Variants in STAU1 observed in about 807,000 individuals in gnomAD.
The protein encoded by STAU1 is staufen double-stranded RNA binding protein 1.
Under a neutral mutation model 62.9 loss-of-function variants are expected in STAU1, and 13 were observed. The observed-to-expected ratio is 0.21, with a 90% CI of 0.13 to 0.33. The LOEUF (loss-of-function observed/expected upper bound fraction) is 0.33. STAU1 is among the 10% of genes least tolerant of loss of function. The pLI, the probability that STAU1 is intolerant of heterozygous loss-of-function variation, is 1.00. For synonymous variants in STAU1, 269 were observed against 265.1 expected (o/e 1.01, Z -0.14); for missense variants, 571 against 712.1 (o/e 0.80, Z 2.25).
intron 1 of STAU1, chr20:49,179,266 A>AT (rs2093696705): frequency 6.6e-6 from 1 of 151,688 alleles, no homozygotes. Context: ...AAAAAAGAAG[A>AT]TAAAAAGTAG....
At chr20:49,206,753 T>TATATATATATA in the STAU1 span, among the ~76,000 whole-genome samples, 1 of 92,886 alleles carries the variant, frequency 1.1e-5, no homozygotes, top group African/African-American at 4.5e-5. Context: ...ATATATATAT[T>TATATATATATA]TTATTTTATT....
chr20:49,176,763 CCTT>C (rs1439030412), intron 1 of STAU1, among the ~76,000 whole-genome samples: 2 of 152,162 alleles, frequency 1.3e-5, no homozygotes, highest in African/African-American at 4.8e-5. Flanking sequence ...ATACCAAAGA[CCTT>C]CTAACATAGC....
chr20:49,175,798 C>CTT (rs386393906), intron 1 of STAU1, among the ~76,000 whole-genome samples: 5 of 104,824 alleles, frequency 4.8e-5, no homozygotes, highest in Admixed American at 1.1e-4. Flanking sequence ...CTCATAATGC[C>CTT]TTTTTTTTTT....
intron 5 of STAU1, among the ~76,000 whole-genome samples, chr20:49,143,093 G>A (rs1388348269): frequency 6.6e-6 from 1 of 152,130 alleles, no homozygotes; most frequent in African/African-American, 2.4e-5. Flanking sequence ...GAGCCACCGT[G>A]CCTGGCTCAT....
the STAU1 span, among the ~76,000 whole-genome samples, chr20:49,206,368 G>GAAAAAC: frequency 6.9e-6 from 1 of 144,222 alleles, no homozygotes; most frequent in African/African-American, 2.6e-5. Flanking sequence ...AGCTTATCAT[G>GAAAAAC]AAAAACAATG....
the STAU1 span, among the ~76,000 whole-genome samples, chr20:49,216,100 G>A: frequency 2.0e-5 from 3 of 151,444 alleles, no homozygotes; most frequent in African/African-American, 7.3e-5. Flanking sequence ...CTTTGAATTG[G>A]GGGGCATAGC....
At chr20:49,206,886 G>A in the STAU1 span, among the ~76,000 whole-genome samples, 1 of 151,192 alleles carries the variant, frequency 6.6e-6, no homozygotes, top group Non-Finnish European at 1.5e-5. Context: ...CTCCCGAGTA[G>A]CTGGGATTAC....
chr20:49,157,724 C>T (rs2093383858), intron 3 of STAU1, among the ~76,000 whole-genome samples: 1 of 151,706 alleles, frequency 6.6e-6, no homozygotes, highest in African/African-American at 2.4e-5. Context: ...GTGAACTGCC[C>T]GCCTTGGACT....
intron 5 of STAU1, among the ~76,000 whole-genome samples, chr20:49,142,021 T>C (rs2093018275): frequency 6.6e-6 from 1 of 151,396 alleles, no homozygotes; most frequent in South Asian, 2.1e-4. Flanking sequence ...GCCTGGAGTT[T>C]GAGACCAGCC....
At chr20:49,199,081 G>A in the STAU1 span, among the ~76,000 whole-genome samples, 2 of 151,648 alleles carry the variant, frequency 1.3e-5, no homozygotes, top group Non-Finnish European at 2.9e-5. Flanking sequence ...GGGAGGCAGA[G>A]GTTGCAGTAA....
At chr20:49,172,172 G>A (rs2093605553) in intron 2 of STAU1, among the ~76,000 whole-genome samples, 1 of 152,144 alleles carries the variant, frequency 6.6e-6, no homozygotes, top group South Asian at 2.1e-4. Context: ...ACAGTTGGGA[G>A]GTCAGATGGT....
chr20:49,173,735 T>A (rs1437792329), intron 2 of STAU1, among the ~76,000 whole-genome samples: 1 of 152,200 alleles, frequency 6.6e-6, no homozygotes, highest in Non-Finnish European at 1.5e-5. Flanking sequence ...AGAAAACTCC[T>A]TTTTTATCTG....
chr20:49,183,925 T>C (rs926400486), intron 1 of STAU1, among the ~76,000 whole-genome samples: 1 of 151,638 alleles, frequency 6.6e-6, no homozygotes, highest in African/African-American at 2.4e-5. Context: ...ATGTGAAGTA[T>C]ACATGCCTTT....
At chr20:49,166,341 T>A in intron 2 of STAU1, 56 bp from the exon 3 acceptor site, 1 of 694,080 alleles carries the variant, frequency 1.4e-6, no homozygotes, top group Non-Finnish European at 2.4e-6. Context: ...AGATATGTAA[T>A]TGCCAATATT....
At chr20:49,199,215 G>T in the STAU1 span, among the ~76,000 whole-genome samples, 3 of 151,864 alleles carry the variant, frequency 2.0e-5, no homozygotes, top group Admixed American at 6.6e-5. Context: ...GACTACAGGT[G>T]CATACCATCA....
At chr20:49,173,814 C>T (rs2093626821) in intron 2 of STAU1, among the ~76,000 whole-genome samples, 1 of 152,102 alleles carries the variant, frequency 6.6e-6, no homozygotes, top group Non-Finnish European at 1.5e-5. Flanking sequence ...GAAAACAATG[C>T]TAAATTCGTT....
chr20:49,187,576 G>A (rs1164803313), intron 1 of STAU1, among the ~76,000 whole-genome samples: 2 of 152,136 alleles, frequency 1.3e-5, no homozygotes, highest in Non-Finnish European at 2.9e-5. Context: ...CCATTTCACT[G>A]AACCTTAAGA....
chr20:49,116,299 C>T (rs2092322734), intron 12 of STAU1, among the ~76,000 whole-genome samples: 1 of 151,978 alleles, frequency 6.6e-6, no homozygotes, highest in South Asian at 2.1e-4. Context: ...CACACCCGGC[C>T]TATCATGTAT....
intron 1 of STAU1, among the ~76,000 whole-genome samples, chr20:49,177,840 T>G (rs565777339): frequency 6.6e-6 from 1 of 152,120 alleles, no homozygotes; most frequent in South Asian, 2.1e-4. Flanking sequence ...CAGCAGTCAT[T>G]TGGATCTCAA....
Sources: allele counts gnomAD v4.1 joint callset (sites outside exome capture counted in the v4.1 genomes callset), GRCh38; gene constraint gnomAD v4.1.1; transcripts MANE v1.5; gene names NCBI Gene and HGNC (gene_info 2026-07-23, HGNC 2026-07-21).